The following ANXA7 variants were observed in gnomAD, a reference collection of about 807,000 sequenced individuals.
The protein encoded by ANXA7 is annexin VII.
Under a neutral mutation model 64.9 loss-of-function variants are expected in ANXA7, and 55 were observed. That is an observed-to-expected ratio of 0.85 (90% CI 0.68 to 1.06). The LOEUF (loss-of-function observed/expected upper bound fraction) is 1.06, where lower values mean the gene tolerates loss of function less well. ANXA7 is among the 50% of genes least tolerant of loss of function. The probability of loss-of-function intolerance (pLI) is 0.00; values close to 1 mark genes in which losing one functional copy is unlikely to be tolerated. For synonymous variants in ANXA7, 200 were observed against 192.4 expected, an observed-to-expected ratio of 1.04 and a Z score of -0.33; for missense variants, 548 against 582.1, an observed-to-expected ratio of 0.94 and a Z score of 0.60.
intron 5 of ANXA7, among the ~76,000 whole-genome samples, chr10:73,389,568 A>G (rs1218605552): frequency 6.6e-6 from 1 of 152,240 alleles, no homozygotes; most frequent in African/African-American, 2.4e-5. Context: ...AATTATGTCA[A>G]AATTAAAAGA....
At chr10:73,400,908 TG>T (rs1452113010) in intron 1 of ANXA7, 51 bp from the exon 2 acceptor site, 1 of 1,503,024 alleles carries the variant, frequency 6.7e-7, no homozygotes, top group African/African-American at 1.4e-5. Flanking sequence ...TGTTTTGTTT[TG>T]TTTTGTTTTG....
intron 1 of ANXA7, among the ~76,000 whole-genome samples, chr10:73,405,015 G>A (rs895094801): frequency 1.3e-5 from 2 of 152,104 alleles, no homozygotes; most frequent in Admixed American, 6.6e-5. Flanking sequence ...TTGGGAGGCT[G>A]AGGAGATCAC....
intron 3 of ANXA7, among the ~76,000 whole-genome samples, chr10:73,397,793 A>C (rs558059732): frequency 6.6e-6 from 1 of 152,310 alleles, no homozygotes; most frequent in South Asian, 2.1e-4. Flanking sequence ...TACTAACTTA[A>C]AATACAAAAG....
rs1367911349 is a variant in ANXA7, at chr10:73,375,803, T to C, written c.*292A>G. 1 of 200,550 alleles carries C rather than the reference T, an allele frequency of 5.0e-6. No homozygotes were observed. Among genetic ancestry groups the C allele is most frequent in the Non-Finnish European group, 1.0e-5 (1 of 100,034 alleles). 12.4% of individuals were successfully genotyped at this position (200,550 alleles called of 1,614,324 possible). ...GAATCAGAGATTGCTGTGATTTTTA[T>C]TCAATTTGACATCTTGATTAGAATG... is the stretch of plus-strand genomic sequence containing the variant. On this transcript the variant is annotated 3_prime_UTR_variant, in exon 13 of 13. Transcript: ENST00000372921.
chr10:73,392,071 C>T (rs1310951491), intron 5 of ANXA7, among the ~76,000 whole-genome samples: 1 of 152,074 alleles, frequency 6.6e-6, no homozygotes, highest in Non-Finnish European at 1.5e-5. Context: ...AGGATGAACA[C>T]CTCTATGCAA....
In ANXA7 at chr10:73,383,294, T is replaced by A. The variant is rs898926839; in HGVS notation, c.799A>T (p.Asn267Tyr). ...CTGACAATTTCTCGGATTTCCTGAT[T>A]TGTTCTTGTGCACAAAATCTCAATC... ...VLIEILCTRT[N>Y]QEIREIVRCY... The change falls in exon 9 of 13, where the codon AAT (asparagine) becomes TAT (tyrosine). Residue 267 changes from asparagine to tyrosine, a missense_variant. Transcript: ENST00000372921. 1.2e-6 allele frequency: 2 copies of A among 1,614,034 alleles called. No homozygotes were observed. Among genetic ancestry groups the A allele is most frequent in the African/African-American group, 2.7e-5 (2 of 74,928 alleles).
intron 1 of ANXA7, 82 bp downstream of exon 1, chr10:73,413,930 G>A (rs1163867301): frequency 1.3e-5 from 2 of 152,890 alleles, no homozygotes; most frequent in Non-Finnish European, 2.9e-5. Flanking sequence ...ACTAGCACCG[G>A]GACAGCAGCG....
At chr10:73,407,035 C>T (rs78666269) in intron 1 of ANXA7, among the ~76,000 whole-genome samples, 7,094 of 152,210 alleles carry the variant, frequency 0.047, 505 homozygotes, top group African/African-American at 0.15. Context: ...GCTCAAGTCT[C>T]CTCTCTTCCT....
intron 2 of ANXA7, among the ~76,000 whole-genome samples, chr10:73,400,565 C>T (rs1416215947): frequency 2.0e-5 from 3 of 152,280 alleles, no homozygotes; most frequent in East Asian, 1.9e-4. Context: ...TATCTAGCAA[C>T]GCTGAGTGTG....
intron 3 of ANXA7, among the ~76,000 whole-genome samples, 171 bp from the exon 4 acceptor site, chr10:73,397,445 T>A (rs1360653731): frequency 1.3e-5 from 2 of 152,220 alleles, no homozygotes; most frequent in Non-Finnish European, 2.9e-5. Flanking sequence ...AATAAGTTTT[T>A]AAATTTTTAC....
intron 7 of ANXA7, 57 bp from the exon 8 acceptor site, chr10:73,383,747 A>G: frequency 9.0e-7 from 1 of 1,114,834 alleles, no homozygotes; most frequent in Non-Finnish European, 1.3e-6. Flanking sequence ...TGTCACTTAA[A>G]TCTTTTAAGG....
At position 73,380,012 on chromosome 10, in the gene ANXA7, T is replaced by G. The variant is rs539662974; in HGVS notation, c.1089+19A>C. On this transcript the variant is annotated intron_variant, in intron 10 of 12. Transcript: ENST00000372921. ...GTATCTTACAGCAGAAGCCAAATCT[T>G]CAAAAGAAAAGCTCATACCCTAGAA... 6.2e-6 allele frequency: 10 copies of G among 1,611,450 alleles called. No individual in the cohort carries two copies. The African/African-American group carries it at 8.0e-5, about 13-fold the overall frequency.
intron 1 of ANXA7, among the ~76,000 whole-genome samples, chr10:73,402,527 G>A (rs530423550): frequency 9.9e-5 from 15 of 152,228 alleles, no homozygotes; most frequent in African/African-American, 3.4e-4. Context: ...AATAATTCCT[G>A]TGTAGTTATG....
intron 5 of ANXA7, 147 bp from the exon 6 acceptor site, chr10:73,388,561 C>A (rs898086631): frequency 6.5e-5 from 40 of 611,394 alleles, no homozygotes; most frequent in Admixed American, 1.4e-4. Context: ...ATTACCAGAG[C>A]TCATTATGGA....
chr10:73,400,685 G>A, intron 2 of ANXA7, 118 bp downstream of exon 2: 1 of 739,032 alleles, frequency 1.4e-6, no homozygotes, highest in Non-Finnish European at 2.1e-6. Flanking sequence ...CTTCTACGTA[G>A]TACCTCTGAG....
intron 7 of ANXA7, among the ~76,000 whole-genome samples, chr10:73,386,824 C>T (rs575225645): frequency 1.3e-5 from 2 of 152,228 alleles, no homozygotes; most frequent in South Asian, 2.1e-4. Context: ...CACGCCACCA[C>T]GCCCAGCTAA....
rs1348528210 is a variant in ANXA7, at chr10:73,410,638, T to C, written c.-2+3374A>G. The stretch of plus-strand genomic sequence containing the variant: ...CTCTACCAAAAATAACAAAATTAGC[T>C]GGGCATGGTGGCGTGTGACTGTAAT... On this transcript the variant is annotated intron_variant, in intron 1 of 12. Transcript: ENST00000372921. 2.6e-5 allele frequency among the ~76,000 whole-genome samples: 4 copies of C among 151,884 alleles called. No homozygotes were observed. The East Asian group carries it at 7.7e-4, about 29-fold the overall frequency.
Position 73,383,183 on chromosome 10 carries a change from T to C in ANXA7, c.910A>G (p.Met304Val). 6.2e-7 allele frequency: 1 copy of C among 1,612,410 alleles called. No individual in the cohort carries two copies. Among genetic ancestry groups the C allele is most frequent in the Non-Finnish European group, 8.5e-7 (1 of 1,178,932 alleles). ...SGHFERLLVS[M>V]CQGNRDENQS... is the part of the protein sequence containing the mutation. ...ATTCATACTATACTCACCTGGCACA[T>C]GGACACAAGTAAACGTTCAAAATGT... The change falls in exon 9 of 13, where the codon ATG becomes GTG. Residue 304 changes from methionine (M) to valine (V), a missense_variant. Coordinates refer to ENST00000372921, the MANE Select transcript of ANXA7 (RefSeq NM_001156.5).
chr10:73,383,003 A>C (rs1044766207), intron 9 of ANXA7, among the ~76,000 whole-genome samples, 172 bp downstream of exon 9: 2 of 152,252 alleles, frequency 1.3e-5, no homozygotes, highest in African/African-American at 4.8e-5. Flanking sequence ...ACAGGAATAA[A>C]TCTCAATAGT....
Sources: gnomAD v4.1 joint callset for allele counts (sites outside exome capture counted in the v4.1 genomes callset) on GRCh38, gnomAD v4.1.1 for gene constraint, MANE v1.5 for transcripts, NCBI Gene and HGNC (gene_info 2026-07-23, HGNC 2026-07-21) for gene names.